The following DIP2C variants were observed in gnomAD, a reference collection of about 807,000 sequenced individuals.
The protein encoded by DIP2C is DIP2 acetate--CoA ligase C (putative), also known as disco-interacting protein 2 homolog C.
A neutral mutation model predicts 192.4 loss-of-function variants in DIP2C; 33 were observed. That is an observed-to-expected ratio of 0.17 (90% CI 0.13 to 0.23). The LOEUF is 0.23. Ranked by LOEUF, DIP2C falls within the 10% of genes least tolerant of loss-of-function variation. The pLI, the probability that DIP2C is intolerant of heterozygous loss-of-function variation, is 1.00. For missense variants in DIP2C, 1,537 were observed against 2,110.1 expected (o/e 0.73, Z 5.32); for synonymous variants, 979 against 864.1 (o/e 1.13, Z -2.33).
intron 1 of DIP2C, among the ~76,000 whole-genome samples, chr10:597,020 G>A (rs1461590192): frequency 1.3e-5 from 2 of 152,302 alleles, no homozygotes; most frequent in South Asian, 2.1e-4. Flanking sequence ...TGTGTGAGAT[G>A]TGTGTTTGCC....
intron 4 of DIP2C, among the ~76,000 whole-genome samples, chr10:433,897 CTTTT>C (rs891670761): frequency 6.1e-5 from 9 of 148,008 alleles, no homozygotes; most frequent in Admixed American, 4.0e-4. Flanking sequence ...GCCCTTTTGT[CTTTT>C]TTTTTCTTTC....
At chr10:546,657 C>CT (rs1432281592) in intron 1 of DIP2C, among the ~76,000 whole-genome samples, 1 of 152,238 alleles carries the variant, frequency 6.6e-6, no homozygotes, top group Non-Finnish European at 1.5e-5. Context: ...GTCGACGGGC[C>CT]TTTCTGCCCC....
At chr10:453,257 C>T (rs1968999118) in intron 3 of DIP2C, among the ~76,000 whole-genome samples, 1 of 152,178 alleles carries the variant, frequency 6.6e-6, no homozygotes, top group African/African-American at 2.4e-5. Flanking sequence ...TACAGTTTTA[C>T]CCGGCCACAT....
intron 1 of DIP2C, among the ~76,000 whole-genome samples, chr10:590,139 A>T (rs1387478853): frequency 6.6e-6 from 1 of 152,236 alleles, no homozygotes; most frequent in Non-Finnish European, 1.5e-5. Context: ...AGAGGCACGG[A>T]ACTGTGAAAA....
chr10:470,778 C>A (rs1012180869), intron 3 of DIP2C, among the ~76,000 whole-genome samples: 16 of 152,172 alleles, frequency 1.1e-4, no homozygotes, highest in Admixed American at 1.0e-3. Flanking sequence ...CTGCGAGGAG[C>A]GACCCCGTGT....
At chr10:540,588 T>C (rs1168447283) in intron 1 of DIP2C, among the ~76,000 whole-genome samples, 1 of 152,216 alleles carries the variant, frequency 6.6e-6, no homozygotes, top group African/African-American at 2.4e-5. Context: ...TAGTGTTTGG[T>C]AGACCAAGTT....
intron 1 of DIP2C, among the ~76,000 whole-genome samples, chr10:500,785 C>T (rs925243687): frequency 1.3e-5 from 2 of 152,198 alleles, no homozygotes; most frequent in African/African-American, 4.8e-5. Flanking sequence ...GATAACAAAA[C>T]AAGACAGGCC....
chr10:466,190 G>A (rs540315748), intron 3 of DIP2C, among the ~76,000 whole-genome samples: 2 of 151,740 alleles, frequency 1.3e-5, no homozygotes, highest in Admixed American at 6.6e-5. Context: ...CCAAAACAGA[G>A]ATATAGATCA....
intron 3 of DIP2C, among the ~76,000 whole-genome samples, chr10:462,219 C>CAA (rs200657570): frequency 2.6e-5 from 4 of 151,868 alleles, no homozygotes; most frequent in African/African-American, 9.7e-5. Context: ...AAAAACTCTT[C>CAA]AAAAAAATCA....
chr10:560,492 C>T (rs774946461), intron 1 of DIP2C, among the ~76,000 whole-genome samples: 46 of 152,158 alleles, frequency 3.0e-4, no homozygotes, highest in Non-Finnish European at 6.2e-4. Context: ...CTGAAACTCG[C>T]GGCAGTGAAC....
At chr10:595,819 A>T (rs546995025) in intron 1 of DIP2C, among the ~76,000 whole-genome samples, 1 of 152,230 alleles carries the variant, frequency 6.6e-6, no homozygotes, top group African/African-American at 2.4e-5. Flanking sequence ...GCTCAAGCCC[A>T]TGTTGTTCAG....
At chr10:565,508 G>A (rs537317578) in intron 1 of DIP2C, among the ~76,000 whole-genome samples, 1 of 152,204 alleles carries the variant, frequency 6.6e-6, no homozygotes, top group Admixed American at 6.5e-5. Context: ...TTTAAACAAG[G>A]CATATGATGA....
At chr10:656,397 C>T (rs930227357) in intron 1 of DIP2C, among the ~76,000 whole-genome samples, 17 of 152,178 alleles carry the variant, frequency 1.1e-4, no homozygotes, top group Admixed American at 1.1e-3. Context: ...CCATTCTATA[C>T]AGTATCAGGC....
At chr10:290,916 G>T (rs532013706) in intron 32 of DIP2C, among the ~76,000 whole-genome samples, 2 of 152,378 alleles carry the variant, frequency 1.3e-5, no homozygotes, top group East Asian at 3.9e-4. Flanking sequence ...AGCTCTGGGA[G>T]CTGTCGCTAC....
At chr10:352,470 G>A (rs983942617) in intron 24 of DIP2C, among the ~76,000 whole-genome samples, 1 of 152,188 alleles carries the variant, frequency 6.6e-6, no homozygotes, top group Non-Finnish European at 1.5e-5. Flanking sequence ...GCCCTTCTCA[G>A]GTGTTAGGTC....
At chr10:292,515 C>T (rs1344367305) in intron 32 of DIP2C, among the ~76,000 whole-genome samples, 1 of 152,210 alleles carries the variant, frequency 6.6e-6, no homozygotes, top group Non-Finnish European at 1.5e-5. Context: ...TCTAACTTGC[C>T]CTGTCCTTGA....
intron 2 of DIP2C, among the ~76,000 whole-genome samples, chr10:476,394 G>C (rs1047012752): frequency 6.6e-6 from 1 of 152,168 alleles, no homozygotes; most frequent in African/African-American, 2.4e-5. Flanking sequence ...GCAAGTTTGT[G>C]AACTTTCCTA....
At chr10:478,949 C>T (rs1588243567) in intron 2 of DIP2C, among the ~76,000 whole-genome samples, 1 of 152,148 alleles carries the variant, frequency 6.6e-6, no homozygotes, top group East Asian at 1.9e-4. Flanking sequence ...CTCTCCTGCC[C>T]TCCTTCCCCA....
At chr10:347,891 G>T (rs12777462) in intron 26 of DIP2C, among the ~76,000 whole-genome samples, 1,559 of 8,682 alleles carry the variant, frequency 0.18, 32 homozygotes, top group African/African-American at 0.2. Flanking sequence ...AACCCCACAC[G>T]CACCCAGACG....
Sources: allele counts gnomAD v4.1 joint callset (sites outside exome capture counted in the v4.1 genomes callset), GRCh38; gene constraint gnomAD v4.1.1; transcripts MANE v1.5; gene names NCBI Gene and HGNC (gene_info 2026-07-23, HGNC 2026-07-21).